Variants in LYZL4 observed in about 807,000 individuals in gnomAD.
The protein encoded by LYZL4 is lysozyme-like protein 4.
A neutral mutation model predicts 17.6 loss-of-function variants in LYZL4; 13 were observed. The observed-to-expected ratio is 0.74, with a 90% confidence interval of 0.48 to 1.18. The LOEUF (loss-of-function observed/expected upper bound fraction) is 1.18, where lower values mean the gene tolerates loss of function less well. Among genes scored for constraint, LYZL4 ranks in the 50% most tolerant of loss-of-function variants. The pLI, the probability that LYZL4 is intolerant of heterozygous loss-of-function variation, is 0.00. For synonymous variants in LYZL4, 64 were observed against 67.7 expected, an observed-to-expected ratio of 0.95 and a Z score of 0.27; for missense variants, 174 against 188.2, an observed-to-expected ratio of 0.92 and a Z score of 0.44.
At chr3:42,361,240 C>G in the LYZL4 span, among the ~76,000 whole-genome samples, 1 of 152,150 alleles carries the variant, frequency 6.6e-6, no homozygotes, top group South Asian at 2.1e-4. Flanking sequence ...CACTATTCTG[C>G]AGCTTGATTT....
the LYZL4 span, among the ~76,000 whole-genome samples, chr3:42,366,033 T>G: frequency 6.6e-6 from 1 of 152,122 alleles, no homozygotes; most frequent in Non-Finnish European, 1.5e-5. Flanking sequence ...CTGGAGAGGC[T>G]GCTCTGTTCC....
chr3:42,394,222 G>A (rs1006977247), downstream of LYZL4, among the ~76,000 whole-genome samples: 36 of 152,332 alleles, frequency 2.4e-4, no homozygotes, highest in African/African-American at 7.7e-4. Flanking sequence ...GCACCAACAC[G>A]ATGACCATTG....
intron 4 of LYZL4, among the ~76,000 whole-genome samples, chr3:42,403,645 C>A (rs1358439385): frequency 5.3e-5 from 8 of 152,204 alleles, no homozygotes; most frequent in African/African-American, 1.9e-4. Context: ...TTTTACTAAA[C>A]CTTTTGTAGA....
the LYZL4 span, among the ~76,000 whole-genome samples, chr3:42,375,143 G>A: frequency 6.6e-6 from 1 of 152,014 alleles, no homozygotes; most frequent in African/African-American, 2.4e-5. Flanking sequence ...TAAAAATCAA[G>A]GATCCCCCCG....
chr3:42,401,368 G>A (rs979686848), intron 4 of LYZL4, among the ~76,000 whole-genome samples: 11 of 151,884 alleles, frequency 7.2e-5, no homozygotes, highest in African/African-American at 1.9e-4. Flanking sequence ...ATGCCACCAC[G>A]CCCGGCTAAT....
At chr3:42,386,463 C>T in the LYZL4 span, among the ~76,000 whole-genome samples, 1 of 135,114 alleles carries the variant, frequency 7.4e-6, no homozygotes, top group African/African-American at 2.7e-5. Context: ...AAATGGATAT[C>T]CGGAATTATC....
intron 4 of LYZL4, 22 bp downstream of exon 4, chr3:42,404,024 T>A (rs1393357843): frequency 1.3e-6 from 2 of 1,531,518 alleles, no homozygotes; most frequent in East Asian, 4.5e-5. Context: ...TAATACAGGC[T>A]ACATAAAAAT....
At chr3:42,377,233 G>A in the LYZL4 span, among the ~76,000 whole-genome samples, 1 of 152,128 alleles carries the variant, frequency 6.6e-6, no homozygotes, top group Non-Finnish European at 1.5e-5. Flanking sequence ...AATTTGTCCA[G>A]GAACTAGGCT....
the LYZL4 span, among the ~76,000 whole-genome samples, chr3:42,384,810 G>A: frequency 6.6e-6 from 1 of 152,228 alleles, no homozygotes; most frequent in South Asian, 2.1e-4. Flanking sequence ...ATGAGGGTAA[G>A]GAGCAAAAGA....
chr3:42,371,104 G>A, the LYZL4 span, among the ~76,000 whole-genome samples: 3 of 152,118 alleles, frequency 2.0e-5, no homozygotes, highest in Non-Finnish European at 2.9e-5. Flanking sequence ...CCTCTTCGAG[G>A]AAGTCCTTCC....
downstream of LYZL4, among the ~76,000 whole-genome samples, chr3:42,392,926 G>A (rs1453496649): frequency 6.6e-6 from 1 of 152,182 alleles, no homozygotes; most frequent in African/African-American, 2.4e-5. Flanking sequence ...ATCTTTCCAG[G>A]TGATGAACTC....
At chr3:42,370,305 T>TC in the LYZL4 span, among the ~76,000 whole-genome samples, 1 of 112,842 alleles carries the variant, frequency 8.9e-6, no homozygotes, top group Admixed American at 1.1e-4. Flanking sequence ...AACCATGGAC[T>TC]CCCACCTCCT....
At chr3:42,377,293 G>A in the LYZL4 span, among the ~76,000 whole-genome samples, 3 of 152,054 alleles carry the variant, frequency 2.0e-5, no homozygotes, top group Non-Finnish European at 4.4e-5. Flanking sequence ...CTGCCTATGG[G>A]GTAGATCATT....
chr3:42,383,867 TTAAA>T, the LYZL4 span, among the ~76,000 whole-genome samples: 8 of 152,044 alleles, frequency 5.3e-5, no homozygotes, highest in African/African-American at 1.9e-4. Context: ...GGAGAAACTA[TTAAA>T]TGAATGAATG....
the LYZL4 span, among the ~76,000 whole-genome samples, chr3:42,373,864 C>T: frequency 6.6e-6 from 1 of 152,008 alleles, no homozygotes; most frequent in Admixed American, 6.6e-5. Flanking sequence ...TCCCTGAATG[C>T]TTTGCAGACA....
intron 4 of LYZL4, among the ~76,000 whole-genome samples, chr3:42,402,893 CCA>C (rs1698682113): frequency 6.6e-6 from 1 of 152,176 alleles, no homozygotes; most frequent in African/African-American, 2.4e-5. Flanking sequence ...TGCGGTGAAT[CCA>C]CACAATGGAA....
At chr3:42,379,779 C>T in the LYZL4 span, among the ~76,000 whole-genome samples, 1 of 152,132 alleles carries the variant, frequency 6.6e-6, no homozygotes, top group East Asian at 1.9e-4. Context: ...TTTGTGCCCT[C>T]CCAAAACTCA....
At chr3:42,397,706 C>T (rs953166934) in intron 4 of LYZL4, among the ~76,000 whole-genome samples, 1 of 152,128 alleles carries the variant, frequency 6.6e-6, no homozygotes, top group African/African-American at 2.4e-5. Context: ...CCCAGAGTCA[C>T]ATGATGAGTC....
At chr3:42,401,644 T>A (rs1332766753) in intron 4 of LYZL4, among the ~76,000 whole-genome samples, 2 of 151,748 alleles carry the variant, frequency 1.3e-5, no homozygotes, top group African/African-American at 2.4e-5. Context: ...TTAAGAGAGA[T>A]TAAAAAAAGA....
Sources: gnomAD v4.1 joint callset for allele counts (sites outside exome capture counted in the v4.1 genomes callset) on GRCh38, gnomAD v4.1.1 for gene constraint, MANE v1.5 for transcripts, NCBI Gene and HGNC (gene_info 2026-07-23, HGNC 2026-07-21) for gene names.